The following ANKRD18A variants were observed in gnomAD, a reference collection of about 807,000 sequenced individuals.
ANKRD18A encodes the protein ankyrin repeat domain 18A, also known as ankyrin repeat domain-containing protein 18A.
Under a neutral mutation model 110.6 loss-of-function variants are expected in ANKRD18A, and 72 were observed. That is an observed-to-expected ratio of 0.65 (90% CI 0.54 to 0.79). ANKRD18A has a LOEUF of 0.79. Ranked by LOEUF, ANKRD18A falls within the 30% of genes least tolerant of loss-of-function variation. ANKRD18A has a pLI of 0.00. For synonymous variants in ANKRD18A, 305 were observed against 410.3 expected (o/e 0.74, Z 3.10); for missense variants, 934 against 1,163.3 (o/e 0.80, Z 2.87).
intron 3 of ANKRD18A, among the ~76,000 whole-genome samples, chr9:38,612,524 T>TTC (rs1554679680): frequency 5.3e-4 from 79 of 147,786 alleles, no homozygotes; most frequent in Middle Eastern, 3.4e-3. Context: ...TCTTTTTCTT[T>TTC]TTTTTTTTTT....
At chr9:38,568,556 G>GA (rs1165923121), downstream of ANKRD18A, 3 of 265,944 alleles carry the variant, frequency 1.1e-5, no homozygotes, top group East Asian at 3.6e-4. Flanking sequence ...CAGGCTGTGG[G>GA]AACCTGGCCA....
At chr9:38,597,166 C>G (rs630521) in intron 8 of ANKRD18A, among the ~76,000 whole-genome samples, 16 of 152,278 alleles carry the variant, frequency 1.1e-4, no homozygotes, top group African/African-American at 3.8e-4. Context: ...CCTTTGTCAC[C>G]TGGATTCTCC....
At chr9:38,591,539 A>AT in intron 10 of ANKRD18A, among the ~76,000 whole-genome samples, 1 of 152,294 alleles carries the variant, frequency 6.6e-6, no homozygotes, top group South Asian at 2.1e-4. Context: ...CACTTAGAAG[A>AT]GTACATGTAC....
At chr9:38,600,570 C>T (rs1273335007) in intron 8 of ANKRD18A, among the ~76,000 whole-genome samples, 1 of 152,198 alleles carries the variant, frequency 6.6e-6, no homozygotes, top group African/African-American at 2.4e-5. Context: ...TGCACCCTGA[C>T]ACCAAAGTCC....
chr9:38,611,658 C>CT (rs942599097), intron 3 of ANKRD18A, among the ~76,000 whole-genome samples: 1 of 152,080 alleles, frequency 6.6e-6, no homozygotes, highest in Non-Finnish European at 1.5e-5. Context: ...AGGGCTGTAT[C>CT]TTTTTTCTCT....
Position 38,596,108 on chromosome 9 carries a change from T to C in ANKRD18A, c.1232A>G (p.Asn411Ser), listed in dbSNP as rs71504575. 2 of 1,551,312 alleles carry C rather than the reference T, an allele frequency of 1.3e-6. No individual in the cohort carries two copies. The highest frequency in any genetic ancestry group is 2.0e-5 in the Admixed American group (1 of 50,966). ...AACTTCAGCTTCTAGTCTTTCTTTG[T>C]TGTGTTTTTCCTTCTCCAATTCTGA... is the stretch of plus-strand genomic sequence containing the variant. Reference protein sequence around the residue: ...LNSELEKEKHNKERLEAEVES... With the variant: ...LNSELEKEKHSKERLEAEVES... The change falls in exon 9 of 16, where the codon AAC becomes AGC. Residue 411 changes from asparagine to serine, a missense_variant. This residue lies in a region of ANKRD18A where 630 missense variants were observed against 797.5 expected (regional missense o/e 0.79). Transcript: ENST00000399703.
At chr9:38,591,699 C>A (rs1271088131) in intron 10 of ANKRD18A, among the ~76,000 whole-genome samples, 2 of 152,196 alleles carry the variant, frequency 1.3e-5, no homozygotes, top group Non-Finnish European at 2.9e-5. Flanking sequence ...CTGAAAGTGG[C>A]AGCAAATGGG....
At chr9:38,568,657 C>T, downstream of ANKRD18A, 1 of 899,536 alleles carries the variant, frequency 1.1e-6, no homozygotes, top group Non-Finnish European at 1.3e-6. Flanking sequence ...TTTGAGCCAG[C>T]TTGGCCTTGC....
chr9:38,588,494 G>C (rs1342488972), intron 11 of ANKRD18A, 57 bp downstream of exon 11: 5 of 1,092,796 alleles, frequency 4.6e-6, no homozygotes, highest in Non-Finnish European at 4.8e-6. Flanking sequence ...GTCAAGTAAA[G>C]TTAGAGTTAA....
At chr9:38,601,991 G>GA (rs66982362) in intron 7 of ANKRD18A, among the ~76,000 whole-genome samples, 1,914 of 79,590 alleles carry the variant, frequency 0.024, 27 homozygotes, top group African/African-American at 0.069. Context: ...TCCAAAAACA[G>GA]AAAAAAAAAA....
At chr9:38,568,668 C>G, downstream of ANKRD18A, 1 of 939,024 alleles carries the variant, frequency 1.1e-6, no homozygotes. Flanking sequence ...TTGGCCTTGC[C>G]TGGCATGCAC....
intron 3 of ANKRD18A, among the ~76,000 whole-genome samples, chr9:38,612,436 T>C (rs536935981): frequency 6.6e-6 from 1 of 151,846 alleles, no homozygotes; most frequent in South Asian, 2.1e-4. Flanking sequence ...TACAATGGCT[T>C]ATCAAAAAAA....
rs553452584 is a variant in ANKRD18A at position 38,574,174 on chromosome 9, G to C, written c.2964+1302C>G. Among the ~76,000 whole-genome samples the C allele has an allele frequency of 1.5e-3, 225 of 152,264 alleles. 1 individual carries two copies. Among genetic ancestry groups the C allele is most frequent in the Non-Finnish European group, 2.9e-3 (196 of 68,030 alleles). On this transcript the variant is annotated intron_variant, in intron 15 of 15. Coordinates refer to ENST00000399703, the MANE Select transcript of ANKRD18A (RefSeq NM_147195.4). ...CAAGATATTTGGTTTCTGTTTCTGC[G>C]TTAGTTTCCTTAGGATAGTGGATTC...
intron 4 of ANKRD18A, 88 bp downstream of exon 4, chr9:38,611,127 T>G (rs1253584530): frequency 4.1e-6 from 6 of 1,456,044 alleles, no homozygotes; most frequent in Non-Finnish European, 5.4e-6. Context: ...TTTAATCTTA[T>G]TAACATTTCT....
chr9:38,589,212 C>T (rs34269372), intron 10 of ANKRD18A, among the ~76,000 whole-genome samples: 3,676 of 133,714 alleles, frequency 0.027, 84 homozygotes, highest in African/African-American at 0.06. Flanking sequence ...ATTTTTTCTA[C>T]AATACACAAA....
chr9:38,566,364 G>A (rs1332817307), downstream of ANKRD18A: 2 of 152,220 alleles, frequency 1.3e-5, no homozygotes, highest in Admixed American at 6.5e-5. Context: ...TACAGGCATT[G>A]TGTAAGCTTT....
At position 38,593,833 on chromosome 9, in the gene ANKRD18A, C is replaced by G; in HGVS notation, c.1931G>C (p.Gly644Ala). 6.5e-7 allele frequency: 1 copy of G among 1,542,178 alleles called. No individual in the cohort carries two copies. Among genetic ancestry groups the G allele is most frequent in the Non-Finnish European group, 8.7e-7 (1 of 1,143,394 alleles). The change falls in exon 10 of 16, where the codon GGT (glycine) becomes GCT (alanine). Residue 644 changes from glycine (G) to alanine (A), a missense_variant. By Grantham distance (60) the Gly-to-Ala change is moderately conservative. Coordinates refer to ENST00000399703, the MANE Select transcript of ANKRD18A (RefSeq NM_147195.4). ...TFSISESPLE[G>A]TSHCHINLNE... is the part of the protein sequence containing the mutation. ...CAAATTAATATGACAATGTGATGTA[C>G]CTTCCAGTGGAGACTCTGATATTGA...
intron 10 of ANKRD18A, among the ~76,000 whole-genome samples, chr9:38,588,951 T>C (rs1279514749): frequency 6.6e-6 from 1 of 152,340 alleles, no homozygotes; most frequent in Non-Finnish European, 1.5e-5. Context: ...GTAAGATACA[T>C]TAAGAGTAGT....
At chr9:38,601,720 G>A (rs1000256809) in intron 7 of ANKRD18A, among the ~76,000 whole-genome samples, 5 of 152,140 alleles carry the variant, frequency 3.3e-5, no homozygotes, top group African/African-American at 1.2e-4. Flanking sequence ...GGCTGGGCAC[G>A]TAGCTCACAC....
Sources: allele counts gnomAD v4.1 joint callset (sites outside exome capture counted in the v4.1 genomes callset), GRCh38; gene constraint gnomAD v4.1.1; regional missense constraint gnomAD v4.1.1; transcripts MANE v1.5; gene names NCBI Gene and HGNC (gene_info 2026-07-23, HGNC 2026-07-21).